MEGF8: variants seen among roughly 807,000 people sequenced by gnomAD.
MEGF8 encodes multiple epidermal growth factor-like domains protein 8.
In MEGF8, 156 loss-of-function variants were observed where a neutral mutation model predicts 302.9. The ratio of observed to expected loss-of-function variants is 0.52; its 90% CI spans 0.45 to 0.59. The LOEUF (loss-of-function observed/expected upper bound fraction) is 0.59. MEGF8 is among the 20% of genes least tolerant of loss of function. The pLI is 0.00. For missense variants in MEGF8, 3,345 were observed against 3,964.5 expected (o/e 0.84, Z 4.20); for synonymous variants, 1,621 against 1,660.5 (o/e 0.98, Z 0.58).
At chr19:42,334,963 C>G in intron 3 of MEGF8, 72 bp from the exon 4 acceptor site, 1 of 1,454,978 alleles carries the variant, frequency 6.9e-7, no homozygotes, top group Non-Finnish European at 9.2e-7. Flanking sequence ...CTTTTCCTCT[C>G]TGTGTCTCCT....
Position 42,356,962 on chromosome 19 carries a change from T to A in MEGF8, c.4811T>A (p.Leu1604Gln). ...RDFWVLNLTTLQWRQEKAPQT... is the reference protein window; with the variant it reads ...RDFWVLNLTTQQWRQEKAPQT... ...TTCTGGGTCCTCAACCTCACCACCC[T>A]GCAATGGCGGCAGGAGAAGGTGAGC... The change falls in exon 27 of 42, where the codon CTG becomes CAG. Residue 1604 changes from leucine to glutamine, a missense_variant. Leu to Gln is a moderately radical substitution (Grantham distance 113). Coordinates refer to ENST00000251268, the MANE Select transcript of MEGF8 (RefSeq NM_001271938.2). The surrounding 1 kb of genome is among the most constrained non-coding windows in gnomAD (Gnocchi z 5.2). 2 of 1,605,992 alleles carry A rather than the reference T, an allele frequency of 1.2e-6. No homozygotes were observed. The highest frequency in any genetic ancestry group is 1.7e-5 in the Admixed American group (1 of 59,078).
rs563218360 is a variant in MEGF8 at position 42,374,634 on chromosome 19, A to T, written c.7270-873A>T. Among the ~76,000 whole-genome samples, 73 of 152,310 alleles carry T rather than the reference A, an allele frequency of 4.8e-4. 1 individual carries two copies. Among genetic ancestry groups the T allele is most frequent in the African/African-American group, 1.7e-3 (69 of 41,576 alleles). ...CCACACATTCATTCAGCACACAGTC[A>T]TTGAGCACCTAGTATATGGCAAGCA... On this transcript the variant is annotated intron_variant, in intron 41 of 41. Transcript: ENST00000251268.
chr19:42,357,652 C>T lies in MEGF8; in HGVS notation c.5011+68C>T, dbSNP rs969364540. 24 of 1,404,160 alleles carry T rather than the reference C, an allele frequency of 1.7e-5. No individual in the cohort carries two copies. The highest frequency in any genetic ancestry group is 1.9e-5 in the Non-Finnish European group (20 of 1,034,688). The allele number at this position is 1,404,160 out of a possible 1,614,324, so 87.0% of individuals were successfully genotyped here. ...CGGGCATCTGGGCTTCCTGTGGGCT[C>T]TCCATCCACTGCTGTGCTCTGTGGC... On this transcript the variant is annotated intron_variant, in intron 28 of 41. Coordinates refer to ENST00000251268, the MANE Select transcript of MEGF8 (RefSeq NM_001271938.2). This position sits in a 1 kb window ranked among gnomAD's most constrained non-coding sequence, Gnocchi z 5.2.
rs766927080 is a variant in MEGF8, at chr19:42,357,461, G to A, written c.4888G>A (p.Gly1630Ser). The A allele has an allele frequency of 1.3e-5, 21 of 1,613,648 alleles. No individual in the cohort carries two copies. The highest frequency in any genetic ancestry group is 1.7e-5 in the Non-Finnish European group (20 of 1,179,818). The change falls in exon 28 of 42, where the codon GGC (glycine) becomes AGC (serine). Residue 1630 changes from glycine to serine, a missense_variant. Gly to Ser is a moderately conservative substitution (Grantham distance 56). Transcript: ENST00000251268. The surrounding 1 kb of genome is among the most constrained non-coding windows in gnomAD (Gnocchi z 5.2). ...VAGHTLTARR[G>S]LSLLLVGGYS... ...TGGTCACACCCTTACTGCCCGCCGA[G>A]GCCTGTCTCTGCTCCTGGTGGGCGG...
rs1381740413 is a variant in MEGF8, at chr19:42,344,714, T to C, written c.1978T>C (p.Trp660Arg). Residue 660 changes from tryptophan to arginine, a missense_variant, in exon 12 of 42, where the codon TGG becomes CGG. Transcript: ENST00000251268. This position sits in a 1 kb window ranked among gnomAD's most constrained non-coding sequence, Gnocchi z 4.5. Reference sequence around the variant, plus strand: ...GGAGCAGATCTCAGGCACTGTGGGCTGGTGGGGGCCTGCGCCTGTCTTCGT... The same window carrying C: ...GGAGCAGATCTCAGGCACTGTGGGCCGGTGGGGGCCTGCGCCTGTCTTCGT... ...RGEQISGTVG[W>R]WGPAPVFVTS... The C allele has an allele frequency of 6.2e-7, 1 of 1,608,772 alleles. No individual in the cohort carries two copies. Among genetic ancestry groups the C allele is most frequent in the South Asian group, 1.1e-5 (1 of 90,414 alleles).
Position 42,354,799 on chromosome 19 carries a change from G to T in MEGF8, c.4144+79G>T. 1 of 1,464,590 alleles carries T rather than the reference G, an allele frequency of 6.8e-7. No homozygotes were observed. 90.7% of individuals were successfully genotyped at this position (1,464,590 alleles called of 1,614,324 possible). Reference sequence around the variant, plus strand: ...CCCCTGAACTCACCACCTGAAGTGGGCTCAGGACCCAGCTCTGCCGCTGCT... The same window carrying T: ...CCCCTGAACTCACCACCTGAAGTGGTCTCAGGACCCAGCTCTGCCGCTGCT... On this transcript the variant is annotated intron_variant, in intron 23 of 41. Transcript: ENST00000251268. This position sits in a 1 kb window ranked among gnomAD's most constrained non-coding sequence, Gnocchi z 4.3.
At chr19:42,367,742 G>T (rs1568575109) in intron 35 of MEGF8, among the ~76,000 whole-genome samples, 1 of 152,166 alleles carries the variant, frequency 6.6e-6, no homozygotes, top group Non-Finnish European at 1.5e-5. Context: ...GTACAGCAGG[G>T]CCTCACAAGG....
chr19:42,365,156 G>C (rs1027077756), intron 35 of MEGF8, among the ~76,000 whole-genome samples: 1 of 152,180 alleles, frequency 6.6e-6, no homozygotes, highest in East Asian at 1.9e-4. Flanking sequence ...ATGGTAGTAT[G>C]GGTTCTCCCC....
chr19:42,366,142 C>T (rs2039602621), intron 35 of MEGF8, among the ~76,000 whole-genome samples: 1 of 152,188 alleles, frequency 6.6e-6, no homozygotes, highest in African/African-American at 2.4e-5. Flanking sequence ...AATAGGCGTG[C>T]AGGTGATACC....
Position 42,368,957 on chromosome 19 carries a change from C to T in MEGF8, c.6596C>T (p.Pro2199Leu). 1 of 1,613,910 alleles carries T rather than the reference C, an allele frequency of 6.2e-7. No individual in the cohort carries two copies. Among genetic ancestry groups the T allele is most frequent in the Non-Finnish European group, 8.5e-7 (1 of 1,179,894 alleles). ...GAGACGCAGAATTGCCACGACCAGC[C>T]CCACGGCTATGAGTGCAGCTGCAAG... is the stretch of plus-strand genomic sequence containing the variant. Reference protein sequence around the residue: ...CNETQNCHDQPHGYECSCKTG... With the variant: ...CNETQNCHDQLHGYECSCKTG... Residue 2199 changes from proline to leucine, a missense_variant, in exon 37 of 42, where the codon CCC becomes CTC. Physicochemically the swap from Pro to Leu is moderately conservative, Grantham distance 98. Coordinates refer to ENST00000251268, the MANE Select transcript of MEGF8 (RefSeq NM_001271938.2). This position sits in a 1 kb window ranked among gnomAD's most constrained non-coding sequence, Gnocchi z 4.9.
rs570131119 is a variant in MEGF8, at chr19:42,354,456, T to G, written c.4012-132T>G. ...GGCCTTATGCCATAGTTTGACAGTC[T>G]CCCCTGGATGTTCAAACAGCCCATT... On this transcript the variant is annotated intron_variant, in intron 22 of 41. Transcript: ENST00000251268. The surrounding 1 kb of genome is among the most constrained non-coding windows in gnomAD (Gnocchi z 4.3). 5 of 1,038,614 alleles carry G rather than the reference T, an allele frequency of 4.8e-6. No homozygotes were observed. The highest frequency in any genetic ancestry group is 4.8e-5 in the African/African-American group (3 of 62,756). 64.3% of individuals were successfully genotyped at this position (1,038,614 alleles called of 1,614,324 possible). A position where few individuals can be genotyped will look rare whatever the true frequency, so the allele number is the denominator to read the frequency against.
At position 42,344,656 on chromosome 19, in the gene MEGF8, C is replaced by A. The variant is rs1302256114; in HGVS notation, c.1934-14C>A. The A allele has an allele frequency of 1.3e-6, 2 of 1,563,924 alleles. No homozygotes were observed. The highest frequency in any genetic ancestry group is 2.4e-5 in the South Asian group (2 of 84,332). On this transcript the variant is annotated splice_polypyrimidine_tract_variant and intron_variant, in intron 11 of 41. Coordinates refer to ENST00000251268, the MANE Select transcript of MEGF8 (RefSeq NM_001271938.2). The surrounding 1 kb of genome is among the most constrained non-coding windows in gnomAD (Gnocchi z 4.5). ...CCACACTGACCCACCGGCCCCCACCCCCTGTCTTCTCAGAGCAGGCCCGCT... is the reference window on the plus strand; with the variant it reads ...CCACACTGACCCACCGGCCCCCACCACCTGTCTTCTCAGAGCAGGCCCGCT...
At position 42,375,369 on chromosome 19, in the gene MEGF8, A is replaced by G; in HGVS notation, c.7270-138A>G. 1.1e-6 allele frequency: 1 copy of G among 887,748 alleles called. No individual in the cohort carries two copies. The highest frequency in any genetic ancestry group is 1.7e-6 in the Non-Finnish European group (1 of 599,022). The allele number at this position is 887,748 out of a possible 1,614,324, so 55.0% of individuals were successfully genotyped here. A position where few individuals can be genotyped will look rare whatever the true frequency, so the allele number is the denominator to read the frequency against. Reference sequence around the variant, plus strand: ...GAGAAGGTCCGGGGGGTCACAGGGAAGTGACTGGGGCAGTGGGGGTGAGGC... The same window carrying G: ...GAGAAGGTCCGGGGGGTCACAGGGAGGTGACTGGGGCAGTGGGGGTGAGGC... On this transcript the variant is annotated intron_variant, in intron 41 of 41. Coordinates refer to ENST00000251268, the MANE Select transcript of MEGF8 (RefSeq NM_001271938.2). This position sits in a 1 kb window ranked among gnomAD's most constrained non-coding sequence, Gnocchi z 7.1.
chr19:42,359,685 CTT>C (rs1244331808), intron 31 of MEGF8, among the ~76,000 whole-genome samples: 2 of 151,802 alleles, frequency 1.3e-5, no homozygotes, highest in Admixed American at 6.6e-5. Context: ...CCCTTTGTCT[CTT>C]TTTCTATTTT....
At chr19:42,373,395 C>CT (rs1473389735) in intron 41 of MEGF8, among the ~76,000 whole-genome samples, 4 of 149,044 alleles carry the variant, frequency 2.7e-5, no homozygotes, top group African/African-American at 7.4e-5. Context: ...CCGGCCGGTT[C>CT]TTTTTTTTAA....
chr19:42,334,297 C>A, intron 3 of MEGF8, 84 bp downstream of exon 3: 1 of 1,307,226 alleles, frequency 7.6e-7, no homozygotes. Context: ...TCTGACCTTG[C>A]TCCTGCATGA....
At chr19:42,329,876 A>AG (rs1187934322) in intron 1 of MEGF8, among the ~76,000 whole-genome samples, 1 of 138,812 alleles carries the variant, frequency 7.2e-6, no homozygotes, top group African/African-American at 2.7e-5. Flanking sequence ...TGTCTCAGGG[A>AG]AAAAAAAAAA....
At position 42,355,935 on chromosome 19, in the gene MEGF8, G is replaced by A. The variant is rs1229026252; in HGVS notation, c.4322G>A (p.Gly1441Asp). The change falls in exon 24 of 42, where the codon GGC becomes GAC. Residue 1441 changes from glycine (G) to aspartate (D), a missense_variant. By Grantham distance (94) the Gly-to-Asp change is moderately conservative (BLOSUM62 -1). Transcript: ENST00000251268. The stretch of plus-strand genomic sequence containing the variant: ...TGCCGATGTCCTCAGGGCTGGGCTG[G>A]CCCACACTGCCGCATGGCTCTGTGT... ...GLCRCPQGWA[G>D]PHCRMALCPE... 18 of 1,607,946 alleles carry A rather than the reference G, an allele frequency of 1.1e-5. No individual in the cohort carries two copies. The highest frequency in any genetic ancestry group is 1.5e-5 in the Non-Finnish European group (18 of 1,177,902).
rs866041499 is a variant in MEGF8 at position 42,352,726 on chromosome 19, T to G, written c.3351-202T>G. On this transcript the variant is annotated intron_variant, in intron 19 of 41. Transcript: ENST00000251268. This position sits in a 1 kb window ranked among gnomAD's most constrained non-coding sequence, Gnocchi z 4.4. ...GGAGGAGGACCTAGTTGAAAGAGGT[T>G]TTCACAGTGGTGCTATGTGGTTGCT... 6 of 636,142 alleles carry G rather than the reference T, an allele frequency of 9.4e-6. No homozygotes were observed. Among genetic ancestry groups the G allele is most frequent in the Non-Finnish European group, 1.4e-5 (5 of 369,170 alleles). The allele number at this position is 636,142 out of a possible 1,614,324, so 39.4% of individuals were successfully genotyped here.
Sources: allele counts gnomAD v4.1 joint callset (sites outside exome capture counted in the v4.1 genomes callset), GRCh38; gene constraint gnomAD v4.1.1; non-coding constraint Gnocchi (gnomAD v3.1); transcripts MANE v1.5; gene names NCBI Gene and HGNC (gene_info 2026-07-23, HGNC 2026-07-21).